RIMBP2: variants seen among roughly 807,000 people sequenced by gnomAD.
The protein encoded by RIMBP2 is RIMS binding protein 2.
In RIMBP2, 48 loss-of-function variants were observed where a neutral mutation model predicts 118.6. The ratio of observed to expected loss-of-function variants is 0.40; its 90% CI spans 0.32 to 0.51. The LOEUF (loss-of-function observed/expected upper bound fraction) is 0.51. RIMBP2 is among the 20% of genes least tolerant of loss of function. RIMBP2 has a pLI of 0.41. For missense variants in RIMBP2, 1,551 were observed against 1,768.3 expected (o/e 0.88, Z 2.20); for synonymous variants, 762 against 742.9 (o/e 1.03, Z -0.42).
At chr12:130,630,089 A>C (rs1459283113) in intron 1 of RIMBP2, among the ~76,000 whole-genome samples, 1 of 152,028 alleles carries the variant, frequency 6.6e-6, no homozygotes, top group Non-Finnish European at 1.5e-5. Flanking sequence ...TTGTGAATGA[A>C]AAAGATAGTT....
At chr12:130,470,072 G>A (rs977081576) in intron 6 of RIMBP2, 5 of 152,216 alleles carry the variant, frequency 3.3e-5, no homozygotes, top group African/African-American at 1.2e-4. Context: ...ACTCACGCAG[G>A]TGGGACGTAG....
At chr12:130,531,117 T>C (rs1315567433) in intron 2 of RIMBP2, among the ~76,000 whole-genome samples, 6 of 152,250 alleles carry the variant, frequency 3.9e-5, no homozygotes, top group African/African-American at 1.4e-4. Flanking sequence ...TCAAGTGATA[T>C]ATCTATGGCC....
chr12:130,467,056 A>G (rs183733294), intron 6 of RIMBP2, among the ~76,000 whole-genome samples: 7 of 152,338 alleles, frequency 4.6e-5, no homozygotes, highest in East Asian at 1.9e-4. Flanking sequence ...ACCTAACTCC[A>G]TCGTGCTTCT....
intron 2 of RIMBP2, among the ~76,000 whole-genome samples, chr12:130,545,006 G>A (rs1159953184): frequency 2.0e-5 from 3 of 152,160 alleles, no homozygotes. Flanking sequence ...TCTGTGGCAG[G>A]ACAGGATTCA....
intron 1 of RIMBP2, among the ~76,000 whole-genome samples, chr12:130,708,943 G>A (rs912697812): frequency 3.9e-5 from 6 of 152,162 alleles, no homozygotes; most frequent in African/African-American, 1.2e-4. Flanking sequence ...CTCCCCAGCT[G>A]TGTGATCTTC....
chr12:130,653,599 C>G (rs987813940), intron 1 of RIMBP2, among the ~76,000 whole-genome samples: 1 of 152,248 alleles, frequency 6.6e-6, no homozygotes, highest in Non-Finnish European at 1.5e-5. Context: ...AGTGGGGACT[C>G]TGTGTGGGAG....
chr12:130,527,570 G>C (rs1376170766), intron 2 of RIMBP2, among the ~76,000 whole-genome samples: 1 of 152,170 alleles, frequency 6.6e-6, no homozygotes, highest in Non-Finnish European at 1.5e-5. Flanking sequence ...TCTCAGGTGA[G>C]TTTATGACAT....
Position 130,647,463 on chromosome 12 carries a change from T to C in RIMBP2, c.-351-19007A>G, listed in dbSNP as rs757906418. On this transcript the variant is annotated intron_variant, in intron 1 of 22. Coordinates refer to ENST00000690449, the MANE Select transcript of RIMBP2 (RefSeq NM_001393629.1). ...CTTCCCTATAGAAGCTAAAGCATCA[T>C]CACATCTGTCTCTGGGTTGTTTTTC... Among the ~76,000 whole-genome samples, 24 of 104,836 alleles carry C rather than the reference T, an allele frequency of 2.3e-4. 4 individuals are homozygous for C. Among genetic ancestry groups the C allele is most frequent in the Non-Finnish European group, 4.2e-4 (18 of 43,046 alleles). 68.8% of individuals were successfully genotyped at this position (104,836 alleles called of 152,430 possible). A position where few individuals can be genotyped will look rare whatever the true frequency, so the allele number is the denominator to read the frequency against.
intron 1 of RIMBP2, among the ~76,000 whole-genome samples, chr12:130,639,225 C>T (rs574293670): frequency 2.0e-5 from 3 of 151,768 alleles, no homozygotes; most frequent in South Asian, 2.1e-4. Context: ...CCCATCTCTA[C>T]TAAAAATACA....
At chr12:130,491,433 G>A (rs991875777) in intron 4 of RIMBP2, among the ~76,000 whole-genome samples, 1 of 152,184 alleles carries the variant, frequency 6.6e-6, no homozygotes, top group African/African-American at 2.4e-5. Context: ...TGTTTGCTGG[G>A]ACTCTCTTCA....
At chr12:130,686,324 C>CTGCAAGGT (rs1201074328) in intron 1 of RIMBP2, among the ~76,000 whole-genome samples, 1 of 152,262 alleles carries the variant, frequency 6.6e-6, no homozygotes, top group African/African-American at 2.4e-5. Flanking sequence ...TCACTCCCCT[C>CTGCAAGGT]TGCAAGGTGC....
chr12:130,523,771 T>C lies in RIMBP2; in HGVS notation c.-216-5854A>G, dbSNP rs1229290768. ...GAGGAGCACCCTCTGCCCCCAGCCTTGTGGGTGCAGCAGACAGCGCAGGGC... is the reference window on the plus strand; with the variant it reads ...GAGGAGCACCCTCTGCCCCCAGCCTCGTGGGTGCAGCAGACAGCGCAGGGC... On this transcript the variant is annotated intron_variant, in intron 2 of 22. Coordinates refer to ENST00000690449, the MANE Select transcript of RIMBP2 (RefSeq NM_001393629.1). This position sits in a 1 kb window ranked among gnomAD's most constrained non-coding sequence, Gnocchi z 4.4. Among the ~76,000 whole-genome samples, 1 of 152,086 alleles carries C rather than the reference T, an allele frequency of 6.6e-6. No homozygotes were observed. The highest frequency in any genetic ancestry group is 2.4e-5 in the African/African-American group (1 of 41,410).
intron 2 of RIMBP2, among the ~76,000 whole-genome samples, chr12:130,521,593 C>T (rs953902201): frequency 1.4e-4 from 22 of 152,178 alleles, no homozygotes; most frequent in African/African-American, 4.1e-4. Context: ...GGGGCTTTGA[C>T]GCTGTTGAGT....
chr12:130,637,307 C>T (rs2062396270), intron 1 of RIMBP2, among the ~76,000 whole-genome samples: 1 of 152,200 alleles, frequency 6.6e-6, no homozygotes, highest in African/African-American at 2.4e-5. Context: ...GAGTAGAGTC[C>T]TTGTTGGTCT....
At chr12:130,664,443 A>ACACACGTGCATG (rs1555320922) in intron 1 of RIMBP2, among the ~76,000 whole-genome samples, 4 of 64,614 alleles carry the variant, frequency 6.2e-5, no homozygotes, top group Admixed American at 1.3e-4. Context: ...ATGCACGCAC[A>ACACACGTGCATG]CACGCACACA....
chr12:130,569,577 C>T (rs1156270604), intron 2 of RIMBP2, among the ~76,000 whole-genome samples: 1 of 152,238 alleles, frequency 6.6e-6, no homozygotes, highest in Non-Finnish European at 1.5e-5. Context: ...CAGGTGCAGC[C>T]TGGTGGGAAG....
intron 1 of RIMBP2, among the ~76,000 whole-genome samples, chr12:130,636,632 G>A (rs10848165): frequency 0.6 from 91,774 of 152,040 alleles, 28,570 homozygotes; most frequent in Admixed American, 0.68. Context: ...ATGAATGGAT[G>A]GGGAAATGAG....
At chr12:130,572,592 G>A (rs1203706873) in intron 2 of RIMBP2, among the ~76,000 whole-genome samples, 1 of 152,070 alleles carries the variant, frequency 6.6e-6, no homozygotes, top group Non-Finnish European at 1.5e-5. Flanking sequence ...GGGCAGGGAT[G>A]TGACACCGAT....
At chr12:130,551,492 A>G (rs1357734390) in intron 2 of RIMBP2, among the ~76,000 whole-genome samples, 2 of 152,224 alleles carry the variant, frequency 1.3e-5, no homozygotes, top group Non-Finnish European at 2.9e-5. Flanking sequence ...ATAGTTTGCT[A>G]TTTTTAAAAA....
Sources: allele counts gnomAD v4.1 joint callset (sites outside exome capture counted in the v4.1 genomes callset), GRCh38; gene constraint gnomAD v4.1.1; non-coding constraint Gnocchi (gnomAD v3.1); transcripts MANE v1.5; gene names NCBI Gene and HGNC (gene_info 2026-07-23, HGNC 2026-07-21).